The following BTN2A1 variants were observed in gnomAD, a reference collection of about 807,000 sequenced individuals.
BTN2A1 encodes the protein butyrophilin, subfamily 2, member A1.
A neutral mutation model predicts 34.5 loss-of-function variants in BTN2A1; 41 were observed. The observed-to-expected ratio is 1.19, with a 90% confidence interval of 0.93 to 1.54. The LOEUF is 1.54. BTN2A1 is among the 40% of genes most tolerant of loss of function. BTN2A1 has a pLI of 0.00. For missense variants in BTN2A1, 642 were observed against 662.0 expected, an observed-to-expected ratio of 0.97 and a Z score of 0.33; for synonymous variants, 267 against 258.6, an observed-to-expected ratio of 1.03 and a Z score of -0.31.
Position 26,468,257 on chromosome 6 carries a change from A to AT in BTN2A1, c.1292_1293insT (p.Arg432ProfsTer7). 1 of 1,614,192 alleles carries AT rather than the reference A, an allele frequency of 6.2e-7. No individual in the cohort carries two copies. The highest frequency in any genetic ancestry group is 8.5e-7 in the Non-Finnish European group (1 of 1,180,018). ...ACCTTGGAGATGCATAAAGGGCAATACCGGGCCGTGTCCTCCCCTGATAGG... is the reference window on the plus strand; with the variant it reads ...ACCTTGGAGATGCATAAAGGGCAATATCCGGGCCGTGTCCTCCCCTGATAGG... On this transcript the variant is annotated frameshift_variant, in exon 8 of 8. Coordinates refer to ENST00000312541, the MANE Select transcript of BTN2A1 (RefSeq NM_007049.5). LOFTEE classifies it low-confidence loss of function (END_TRUNC).
rs1320177085 is a variant in BTN2A1 at position 26,465,283 on chromosome 6, A to G, written c.811A>G (p.Lys271Glu). 4.3e-6 allele frequency: 7 copies of G among 1,614,192 alleles called. No homozygotes were observed. The highest frequency in any genetic ancestry group is 5.1e-6 in the Non-Finnish European group (6 of 1,180,002). ...PIAVCIYWINKLQKEKKILSG... is the reference protein window; with the variant it reads ...PIAVCIYWINELQKEKKILSG... ...TGCCGTATGCATCTATTGGATCAAC[A>G]AACTCCAAAAGGAAAAAAAGATTCT... The change falls in exon 5 of 8, where the codon AAA becomes GAA. Residue 271 changes from lysine (K) to glutamate (E), a missense_variant. Physicochemically the swap from Lys to Glu is moderately conservative, Grantham distance 56. Transcript: ENST00000312541.
intron 4 of BTN2A1, among the ~76,000 whole-genome samples, 196 bp from the exon 5 acceptor site, chr6:26,464,989 A>G (rs1457137917): frequency 6.6e-6 from 1 of 152,058 alleles, no homozygotes; most frequent in East Asian, 1.9e-4. Flanking sequence ...CTGGTTTGCT[A>G]CCTCTGGGCC....
chr6:26,465,815 G>T, intron 5 of BTN2A1, 138 bp from the exon 6 acceptor site: 1 of 1,520,860 alleles, frequency 6.6e-7, no homozygotes, highest in Non-Finnish European at 8.8e-7. Flanking sequence ...ATAATTTCTG[G>T]TTTCTGACAG....
At chr6:26,474,505 T>G (rs1012123289), downstream of BTN2A1, among the ~76,000 whole-genome samples, 1 of 152,156 alleles carries the variant, frequency 6.6e-6, no homozygotes, top group Non-Finnish European at 1.5e-5. Context: ...GGCTATGATT[T>G]TCAGATAGGA....
intron 7 of BTN2A1, among the ~76,000 whole-genome samples, chr6:26,474,792 C>T (rs1407097860): frequency 6.6e-6 from 1 of 151,534 alleles, no homozygotes; most frequent in Non-Finnish European, 1.5e-5. Flanking sequence ...CACTGTTGCC[C>T]AGGCTGGAGT....
chr6:26,473,083 A>C (rs1763478656), downstream of BTN2A1, among the ~76,000 whole-genome samples: 2 of 152,316 alleles, frequency 1.3e-5, no homozygotes, highest in South Asian at 4.1e-4. Flanking sequence ...AGTTCTCAAC[A>C]AGTTCTCAAT....
chr6:26,476,260 G>A (rs1763536773), exon 8 of BTN2A1: 2 of 1,316,222 alleles, frequency 1.5e-6, no homozygotes, highest in Non-Finnish European at 1.1e-6. Flanking sequence ...CTCCAAGTTG[G>A]AAAGAACTGC....
intron 3 of BTN2A1, 31 bp downstream of exon 3, chr6:26,459,859 G>C: frequency 6.3e-7 from 1 of 1,583,136 alleles, no homozygotes; most frequent in East Asian, 2.2e-5. Flanking sequence ...TTGTTACTTT[G>C]GCACAGTGTG....
chr6:26,463,661 G>A, intron 4 of BTN2A1, 136 bp downstream of exon 4: 2 of 1,046,348 alleles, frequency 1.9e-6, no homozygotes, highest in Admixed American at 2.3e-5. Flanking sequence ...CTGCAGCTGA[G>A]TGAAGCCTTT....
At chr6:26,466,171 G>A in intron 7 of BTN2A1, 83 bp downstream of exon 7, 2 of 1,606,046 alleles carry the variant, frequency 1.2e-6, no homozygotes, top group Admixed American at 1.7e-5. Context: ...GATGAGCAAG[G>A]GGCCCAGGGC....
At position 26,468,156 on chromosome 6, in the gene BTN2A1, G is replaced by A. The variant is rs1763370228; in HGVS notation, c.1191G>A (p.Glu397=). The stretch of plus-strand genomic sequence containing the variant: ...AGGTGGAGGTGGAAAACGTGATTGA[G>A]TGGACTGTGGGGGTCTGTAGAGACA... ...YWEVEVENVI[E]WTVGVCRDSV... is the part of the protein sequence containing the mutation. The change falls in exon 8 of 8, where the codon GAG becomes GAA. Residue 397 remains glutamate (E), a synonymous_variant. Coordinates refer to ENST00000312541, the MANE Select transcript of BTN2A1 (RefSeq NM_007049.5). 2 of 1,614,218 alleles carry A rather than the reference G, an allele frequency of 1.2e-6. No homozygotes were observed. The highest frequency in any genetic ancestry group is 1.7e-6 in the Non-Finnish European group (2 of 1,180,042).
At chr6:26,466,340 C>T (rs1385169343) in intron 7 of BTN2A1, among the ~76,000 whole-genome samples, 2 of 152,186 alleles carry the variant, frequency 1.3e-5, no homozygotes, top group South Asian at 2.1e-4. Flanking sequence ...TGCATGATTA[C>T]CAGAGGTGTC....
intron 7 of BTN2A1, among the ~76,000 whole-genome samples, chr6:26,467,188 C>T (rs1295128620): frequency 1.3e-5 from 2 of 152,132 alleles, no homozygotes; most frequent in Non-Finnish European, 2.9e-5. Flanking sequence ...AAGGGAAAGA[C>T]TCACCTTAGT....
Position 26,468,563 on chromosome 6 carries a change from G to C in BTN2A1, c.*14G>C, listed in dbSNP as rs762084071. The C allele has an allele frequency of 6.2e-7, 1 of 1,614,018 alleles. No homozygotes were observed. Among genetic ancestry groups the C allele is most frequent in the East Asian group, 2.2e-5 (1 of 44,860 alleles). Reference sequence around the variant, plus strand: ...CAGAGCCTATAGAATCAATTCCTTGGTCTCACAGCCATGTAGACAAGCCCT... The same window carrying C: ...CAGAGCCTATAGAATCAATTCCTTGCTCTCACAGCCATGTAGACAAGCCCT... On this transcript the variant is annotated 3_prime_UTR_variant, in exon 8 of 8. Transcript: ENST00000312541.
Position 26,463,401 on chromosome 6 carries a change from T to C in BTN2A1, c.588T>C (p.Asp196=), listed in dbSNP as rs770867844. 19 of 1,613,442 alleles carry C rather than the reference T, an allele frequency of 1.2e-5. No individual in the cohort carries two copies. The highest frequency in any genetic ancestry group is 4.0e-5 in the African/African-American group (3 of 74,892). Residue 196 remains aspartate (D), a synonymous_variant, in exon 4 of 8, where the codon GAT becomes GAC. Coordinates refer to ENST00000312541, the MANE Select transcript of BTN2A1 (RefSeq NM_007049.5). ...APALKEVSMP[D]ADGLFMVTTA... ...CCCTGAAAGAGGTCTCCATGCCTGA[T>C]GCAGACGGCCTCTTCATGGTCACCA...
Position 26,468,217 on chromosome 6 carries a change from C to T in BTN2A1, c.1252C>T (p.Gln418Ter), listed in dbSNP as rs1394084725. The T allele has an allele frequency of 4.3e-6, 7 of 1,614,206 alleles. No individual in the cohort carries two copies. In the Admixed American group the frequency reaches 8.3e-5, roughly 19 times the overall value. The stretch of plus-strand genomic sequence containing the variant: ...GAAAGGGGAGGTCCTGCTGATTCCT[C>T]AGAATGGCTTCTGGACCTTGGAGAT... ...ERKGEVLLIP[Q>*]NGFWTLEMHK... Residue 418 changes from glutamine to a stop codon, truncating the protein, a stop_gained, in exon 8 of 8, where the codon CAG becomes TAG. Coordinates refer to ENST00000312541, the MANE Select transcript of BTN2A1 (RefSeq NM_007049.5). LOFTEE classifies it low-confidence loss of function (END_TRUNC).
rs536103698 is a variant in BTN2A1 at position 26,464,172 on chromosome 6, G to A, written c.712+647G>A. Among the ~76,000 whole-genome samples, 106 of 152,210 alleles carry A rather than the reference G, an allele frequency of 7.0e-4. 2 individuals carry two copies. The highest frequency in any genetic ancestry group is 1.6e-3 in the Admixed American group (25 of 15,286). Reference sequence around the variant, plus strand: ...TGTGGATAAGTGACTCTCTACACTTGGTGTTCCTGTATGCTGTAGCCATCC... The same window carrying A: ...TGTGGATAAGTGACTCTCTACACTTAGTGTTCCTGTATGCTGTAGCCATCC... On this transcript the variant is annotated intron_variant, in intron 4 of 7. Coordinates refer to ENST00000312541, the MANE Select transcript of BTN2A1 (RefSeq NM_007049.5).
chr6:26,476,079 C>T, intron 7 of BTN2A1: 1 of 1,482,060 alleles, frequency 6.7e-7, no homozygotes, highest in Non-Finnish European at 9.1e-7. Context: ...TATATGCAAC[C>T]CATGAACGCC....
Position 26,466,049 on chromosome 6 carries a change from C to T in BTN2A1, c.956-13C>T, listed in dbSNP as rs1237334873. On this transcript the variant is annotated splice_polypyrimidine_tract_variant and intron_variant, in intron 6 of 7. Transcript: ENST00000312541. The stretch of plus-strand genomic sequence containing the variant: ...AACATCTCATGACATTCGTCTCTGT[C>T]TGTCCCTTGCAGGATGGAGAAGAAC... 6.8e-6 allele frequency: 11 copies of T among 1,614,086 alleles called. No individual in the cohort carries two copies. The highest frequency in any genetic ancestry group is 1.7e-5 in the Admixed American group (1 of 60,012).
Sources: gnomAD v4.1 joint callset for allele counts (sites outside exome capture counted in the v4.1 genomes callset) on GRCh38, gnomAD v4.1.1 for gene constraint, MANE v1.5 for transcripts, NCBI Gene and HGNC (gene_info 2026-07-23, HGNC 2026-07-21) for gene names.